AFAP1: variants seen among roughly 807,000 people sequenced by gnomAD.
The protein encoded by AFAP1 is actin filament associated protein 1, also known as actin filament-associated protein 1.
AFAP1 carries 75 observed loss-of-function variants against 93.9 expected under a neutral mutation model. The ratio of observed to expected loss-of-function variants is 0.80; its 90% confidence interval spans 0.66 to 0.97. The LOEUF (loss-of-function observed/expected upper bound fraction) is 0.97. Ranked by LOEUF, AFAP1 falls within the 50% of genes least tolerant of loss-of-function variation. The pLI is 0.00. For missense variants in AFAP1, 1,201 were observed against 1,050.8 expected (o/e 1.14, Z -1.98); for synonymous variants, 517 against 430.7 (o/e 1.20, Z -2.48).
At chr4:7,869,004 A>AGAAAGG (rs201461909) in intron 2 of AFAP1, among the ~76,000 whole-genome samples, 24 of 151,312 alleles carry the variant, frequency 1.6e-4, no homozygotes, top group Middle Eastern at 3.4e-3. Flanking sequence ...AAAGAGAAAG[A>AGAAAGG]GAAAGGGAAA....
At position 7,894,239 on chromosome 4, in the gene AFAP1, C is replaced by T. The variant is rs1355442034; in HGVS notation, c.-2-22159G>A. On this transcript the variant is annotated intron_variant, in intron 1 of 17. Coordinates refer to ENST00000420658, the MANE Select transcript of AFAP1 (RefSeq NM_001134647.2). Reference sequence around the variant, plus strand: ...ATGTTTTATCGGAACACAGACACGTCCATTCATTTATGTATCACCTACAGC... The same window carrying T: ...ATGTTTTATCGGAACACAGACACGTTCATTCATTTATGTATCACCTACAGC... Among the ~76,000 whole-genome samples the T allele has an allele frequency of 6.6e-5, 10 of 152,284 alleles. No individual in the cohort carries two copies. In the East Asian group the frequency reaches 1.2e-3, roughly 18 times the overall value.
At chr4:7,798,782 G>T in intron 10 of AFAP1, 1 of 604,448 alleles carries the variant, frequency 1.7e-6, no homozygotes, top group Non-Finnish European at 2.1e-6. Context: ...CCCCAGCAAT[G>T]GCAGGGCAGG....
chr4:7,856,038 C>T (rs932314797), intron 3 of AFAP1, among the ~76,000 whole-genome samples: 1 of 152,216 alleles, frequency 6.6e-6, no homozygotes, highest in Admixed American at 6.5e-5. Context: ...GACACAGATG[C>T]TCAGGCGCAC....
At chr4:7,769,303 A>G (rs1715075122) in intron 16 of AFAP1, among the ~76,000 whole-genome samples, 2 of 152,122 alleles carry the variant, frequency 1.3e-5, no homozygotes, top group African/African-American at 2.4e-5. Flanking sequence ...TTTTGCATTC[A>G]AAGCTGGGCT....
intron 11 of AFAP1, among the ~76,000 whole-genome samples, chr4:7,792,942 G>T (rs1718013413): frequency 1.3e-5 from 2 of 152,166 alleles, no homozygotes; most frequent in Non-Finnish European, 2.9e-5. Flanking sequence ...GAAGCTGCCA[G>T]CCAGTGATCA....
rs535872654 is a variant in AFAP1, at chr4:7,932,447, C to T, written c.-3+7209G>A. 9.2e-5 allele frequency among the ~76,000 whole-genome samples: 14 copies of T among 152,306 alleles called. No homozygotes were observed. The South Asian group carries it at 2.5e-3, about 27-fold the overall frequency. On this transcript the variant is annotated intron_variant, in intron 1 of 17. Transcript: ENST00000420658. ...AATGTGAATCGCTGTTGGGTTGATT[C>T]AGCTGTTTCCATTCTAGAAATGGAC...
chr4:7,855,457 G>C lies in AFAP1; in HGVS notation c.334+9C>G, dbSNP rs776601552. On this transcript the variant is annotated intron_variant, in intron 4 of 17. Coordinates refer to ENST00000420658, the MANE Select transcript of AFAP1 (RefSeq NM_001134647.2). ...AAGGCAGCATGGCTGGGCAGGGCTG[G>C]CCACTCACTTGATGTGATGTATTCC... 1 of 1,580,952 alleles carries C rather than the reference G, an allele frequency of 6.3e-7. No individual in the cohort carries two copies. Among genetic ancestry groups the C allele is most frequent in the Admixed American group, 1.7e-5 (1 of 57,796 alleles).
chr4:7,818,216 C>T (rs566857234), intron 7 of AFAP1, among the ~76,000 whole-genome samples: 13 of 152,322 alleles, frequency 8.5e-5, no homozygotes, highest in Middle Eastern at 3.4e-3. Flanking sequence ...TTCCTGCAGA[C>T]GCCTTCACAC....
In AFAP1 at chr4:7,815,971, GTTTT is replaced by G. The variant is rs35907552; in HGVS notation, c.904+43_904+46del. ...AACCTGGCTGTAGATTTTTGTTTTT[GTTTT>G]TTTTTTTAGTGTATATATGTTTTTG... On this transcript the variant is annotated intron_variant, in intron 8 of 17. Coordinates refer to ENST00000420658, the MANE Select transcript of AFAP1 (RefSeq NM_001134647.2). The G allele has an allele frequency of 1.0e-5, 13 of 1,283,858 alleles. No individual in the cohort carries two copies. In the Middle Eastern group the frequency reaches 5.9e-4, roughly 59 times the overall value. 79.5% of individuals were successfully genotyped at this position (1,283,858 alleles called of 1,614,324 possible).
rs536887028 is a variant in AFAP1, at chr4:7,856,343, T to C, written c.226-769A>G. On this transcript the variant is annotated intron_variant, in intron 3 of 17. Transcript: ENST00000420658. The stretch of plus-strand genomic sequence containing the variant: ...CTGCAAGCTCTGCCTCCTGGGTTCA[T>C]GCCATTCTCCTGCCTCAGCCTCCCA... 1.1e-4 allele frequency among the ~76,000 whole-genome samples: 16 copies of C among 152,098 alleles called. No homozygotes were observed. In the East Asian group the frequency reaches 1.9e-3, roughly 18 times the overall value.
chr4:7,884,965 A>G (rs1423234589), intron 1 of AFAP1, among the ~76,000 whole-genome samples: 3 of 152,154 alleles, frequency 2.0e-5, no homozygotes, highest in African/African-American at 7.2e-5. Flanking sequence ...TCTGTGCTTT[A>G]TGCTGACTCT....
chr4:7,809,410 T>C (rs150104317), intron 9 of AFAP1: 2 of 486,784 alleles, frequency 4.1e-6, no homozygotes, highest in African/African-American at 4.0e-5. Flanking sequence ...TTAGAGATCA[T>C]CTAAAAGGCC....
intron 17 of AFAP1, among the ~76,000 whole-genome samples, chr4:7,767,026 C>T (rs1458182856): frequency 2.0e-5 from 3 of 152,206 alleles, no homozygotes; most frequent in Non-Finnish European, 4.4e-5. Context: ...GTTTACGATA[C>T]ACAAGTGCAT....
rs1380447949 is a variant in AFAP1 at position 7,939,478 on chromosome 4, C to T, written c.-3+178G>A. On this transcript the variant is annotated intron_variant, in intron 1 of 17. Transcript: ENST00000420658. This position sits in a 1 kb window ranked among gnomAD's most constrained non-coding sequence, Gnocchi z 5.6. Reference sequence around the variant, plus strand: ...CCCCCACCCGCAGGACGACCGGGACCCCCGCGCGGGCCCACGCGGCGTCGC... The same window carrying T: ...CCCCCACCCGCAGGACGACCGGGACTCCCGCGCGGGCCCACGCGGCGTCGC... The T allele has an allele frequency of 2.0e-5, 6 of 301,572 alleles. No homozygotes were observed. Among genetic ancestry groups the T allele is most frequent in the East Asian group, 3.1e-4 (2 of 6,464 alleles). 18.7% of individuals were successfully genotyped at this position (301,572 alleles called of 1,614,324 possible).
chr4:7,799,148 T>A, intron 10 of AFAP1: 2 of 945,980 alleles, frequency 2.1e-6, no homozygotes, highest in Non-Finnish European at 2.5e-6. Context: ...TTGGCCGTGG[T>A]CAGGGTCTGC....
At chr4:7,825,254 TTCCCGACTC>T (rs1231651259) in intron 6 of AFAP1, among the ~76,000 whole-genome samples, 1 of 152,174 alleles carries the variant, frequency 6.6e-6, no homozygotes, top group Admixed American at 6.5e-5. Flanking sequence ...TACCCTATGC[TTCCCGACTC>T]TCACCCACCT....
rs1433095502 is a variant in AFAP1 at position 7,786,206 on chromosome 4, G to T, written c.1518C>A (p.Cys506Ter). 1 of 1,614,070 alleles carries T rather than the reference G, an allele frequency of 6.2e-7. No homozygotes were observed. The highest frequency in any genetic ancestry group is 1.3e-5 in the African/African-American group (1 of 75,038). ...AAAGGGCACTCACCGAGCCGTTGAT[G>T]CACGGGACATCGTCATAATGAAGTG... ...GTALHYDDVP[C>*]INGSWEPEDG... The change falls in exon 12 of 18, where the codon TGC becomes TGA. Residue 506 changes from cysteine (C) to a stop codon, truncating the protein, a stop_gained. Transcript: ENST00000420658. LOFTEE classifies it high-confidence loss of function.
At chr4:7,830,819 G>A (rs1387429602) in intron 6 of AFAP1, among the ~76,000 whole-genome samples, 3 of 152,024 alleles carry the variant, frequency 2.0e-5, no homozygotes, top group Non-Finnish European at 4.4e-5. Flanking sequence ...ATTTTTCCCA[G>A]GCTGGTCTTG....
intron 10 of AFAP1, among the ~76,000 whole-genome samples, chr4:7,794,660 T>A (rs1341050406): frequency 6.6e-6 from 1 of 151,960 alleles, no homozygotes; most frequent in Non-Finnish European, 1.5e-5. Flanking sequence ...CAGCTGGGAC[T>A]ACAGGTGCTC....
Sources: allele counts gnomAD v4.1 joint callset (sites outside exome capture counted in the v4.1 genomes callset), GRCh38; gene constraint gnomAD v4.1.1; non-coding constraint Gnocchi (gnomAD v3.1); transcripts MANE v1.5; gene names NCBI Gene and HGNC (gene_info 2026-07-23, HGNC 2026-07-21).